Variants in SLC2A14 observed in about 807,000 individuals in gnomAD.
The protein encoded by SLC2A14 is solute carrier family 2 member 14.
SLC2A14 carries 13 observed loss-of-function variants against 43.0 expected under a neutral mutation model. That is an observed-to-expected ratio of 0.30 (90% CI 0.20 to 0.48). The LOEUF (loss-of-function observed/expected upper bound fraction) is 0.48, where lower values mean the gene tolerates loss of function less well. SLC2A14 is among the 20% of genes least tolerant of loss of function. The pLI is 0.99. For synonymous variants in SLC2A14, 190 were observed against 233.8 expected, an observed-to-expected ratio of 0.81 and a Z score of 1.71; for missense variants, 428 against 620.4, an observed-to-expected ratio of 0.69 and a Z score of 3.29.
chr12:7,869,199 T>C (rs1445009812), intron 2 of SLC2A14, among the ~76,000 whole-genome samples: 2 of 151,406 alleles, frequency 1.3e-5, no homozygotes, highest in Non-Finnish European at 2.9e-5. Context: ...AAGTGTCACA[T>C]TAAAATGTTC....
intron 5 of SLC2A14, among the ~76,000 whole-genome samples, chr12:7,829,169 G>A (rs1295320401): frequency 1.3e-5 from 2 of 151,576 alleles, no homozygotes; most frequent in African/African-American, 4.9e-5. Context: ...CCGAGATCGC[G>A]CCACTGCCCT....
At chr12:7,830,946 A>G (rs1460793655) in intron 4 of SLC2A14, among the ~76,000 whole-genome samples, 1 of 152,014 alleles carries the variant, frequency 6.6e-6, no homozygotes, top group Non-Finnish European at 1.5e-5. Flanking sequence ...CAATATGGTG[A>G]AACCCCATCT....
chr12:7,818,065 T>C (rs1210590347), intron 9 of SLC2A14, 31 bp from the exon 10 acceptor site: 1 of 1,598,864 alleles, frequency 6.3e-7, no homozygotes, highest in Admixed American at 1.7e-5. Flanking sequence ...GAAGATTAAA[T>C]TTAAAGACAG....
At chr12:7,875,473 A>C (rs996728046), upstream of SLC2A14, among the ~76,000 whole-genome samples, 1 of 150,904 alleles carries the variant, frequency 6.6e-6, no homozygotes, top group African/African-American at 2.4e-5. Flanking sequence ...GCACCACTGC[A>C]CTCCAGCCTG....
At chr12:7,841,379 G>C (rs1865932854) in intron 2 of SLC2A14, among the ~76,000 whole-genome samples, 1 of 152,048 alleles carries the variant, frequency 6.6e-6, no homozygotes, top group Admixed American at 6.5e-5. Flanking sequence ...TCCTGCCTCA[G>C]CCTCCCAAGC....
In SLC2A14 at chr12:7,826,817, T is replaced by TTTTC. The variant is rs200427727; in HGVS notation, c.864+674_864+677dup. On this transcript the variant is annotated intron_variant, in intron 7 of 10. Coordinates refer to ENST00000431042, the MANE Select transcript of SLC2A14 (RefSeq NM_001286234.2). ...CCAGTGTACTTCCAGGCTCGCTCTT[T>TTTTC]TTTCTTTCTTTCTTTCTTTCCTTCC... is the stretch of plus-strand genomic sequence containing the variant. 1.2e-3 allele frequency among the ~76,000 whole-genome samples: 156 copies of TTTTC among 127,806 alleles called. 2 individuals carry two copies. The highest frequency in any genetic ancestry group is 1.8e-3 in the South Asian group (6 of 3,344). The allele number at this position is 127,806 out of a possible 152,430, so 83.8% of individuals were successfully genotyped here. A position where few individuals can be genotyped will look rare whatever the true frequency, so the allele number is the denominator to read the frequency against.
intron 2 of SLC2A14, among the ~76,000 whole-genome samples, chr12:7,837,611 T>C (rs1321163251): frequency 1.0e-5 from 1 of 96,112 alleles, no homozygotes; most frequent in African/African-American, 4.0e-5. Flanking sequence ...GCACTCCAAC[T>C]TGGGCAACAA....
At chr12:7,865,513 G>A (rs1272036065) in intron 2 of SLC2A14, among the ~76,000 whole-genome samples, 1 of 151,822 alleles carries the variant, frequency 6.6e-6, no homozygotes, top group East Asian at 1.9e-4. Flanking sequence ...CTCCAGCCTG[G>A]GCGGCAGAGT....
In SLC2A14 at chr12:7,828,717, C is replaced by T. The variant is rs1235564152; in HGVS notation, c.663G>A (p.Glu221=). ...RFLLINRKKE[E]NATRILQRLW... ...AAAGATACTCACTCCGCGTAGCATT[C>T]TCCTCTTTTTTTCTGTTAATGAGCA... Residue 221 remains glutamate, a synonymous_variant, in exon 6 of 11, where the codon GAG becomes GAA. Coordinates refer to ENST00000431042, the MANE Select transcript of SLC2A14 (RefSeq NM_001286234.2). 8 of 1,614,086 alleles carry T rather than the reference C, an allele frequency of 5.0e-6. No individual in the cohort carries two copies. Among genetic ancestry groups the T allele is most frequent in the Non-Finnish European group, 6.8e-6 (8 of 1,179,980 alleles).
intron 1 of SLC2A14, chr12:7,872,329 G>T (rs1020483178): frequency 6.6e-6 from 1 of 151,958 alleles, no homozygotes; most frequent in African/African-American, 2.4e-5. Context: ...AGTTCCCTCC[G>T]CCTGGATCAT....
chr12:7,835,627 GA>G (rs1327982231), intron 2 of SLC2A14, among the ~76,000 whole-genome samples: 1 of 152,144 alleles, frequency 6.6e-6, no homozygotes, highest in Non-Finnish European at 1.5e-5. Flanking sequence ...TTGCTAGTAT[GA>G]TAACCAGGTG....
chr12:7,815,542 A>C (rs1288165287), intron 10 of SLC2A14, among the ~76,000 whole-genome samples: 1 of 152,126 alleles, frequency 6.6e-6, no homozygotes, highest in East Asian at 1.9e-4. Flanking sequence ...TCATAGCGTC[A>C]GTAATTACAG....
chr12:7,864,256 T>G (rs1944784442), intron 2 of SLC2A14, among the ~76,000 whole-genome samples: 1 of 152,160 alleles, frequency 6.6e-6, no homozygotes, highest in Admixed American at 6.5e-5. Context: ...TGGGGCCTTT[T>G]GCAGAGCAAA....
chr12:7,864,808 G>C (rs1203302249), intron 2 of SLC2A14, among the ~76,000 whole-genome samples: 3 of 152,094 alleles, frequency 2.0e-5, no homozygotes, highest in African/African-American at 7.2e-5. Flanking sequence ...GCCGACCCAG[G>C]CTCTAATCAG....
At chr12:7,817,004 G>A (rs1296909776) in intron 10 of SLC2A14, among the ~76,000 whole-genome samples, 2 of 152,030 alleles carry the variant, frequency 1.3e-5, no homozygotes, top group Non-Finnish European at 2.9e-5. Context: ...CACTGCTCCC[G>A]GGTGCAATTT....
At chr12:7,828,578 A>T in intron 6 of SLC2A14, 126 bp downstream of exon 6, 1 of 1,056,868 alleles carries the variant, frequency 9.5e-7, no homozygotes, top group Non-Finnish European at 1.4e-6. Context: ...TAGAGTAATC[A>T]GAACCATCTT....
At chr12:7,815,496 T>G (rs1435703455) in intron 10 of SLC2A14, among the ~76,000 whole-genome samples, 2 of 152,232 alleles carry the variant, frequency 1.3e-5, no homozygotes, top group East Asian at 1.9e-4. Context: ...TATGTATTGT[T>G]GAAAATCTGG....
chr12:7,825,431 G>C (rs1194981374), intron 7 of SLC2A14, among the ~76,000 whole-genome samples: 1 of 138,762 alleles, frequency 7.2e-6, no homozygotes, highest in Admixed American at 7.9e-5. Flanking sequence ...CTGCACTCTA[G>C]CCTGGGCGAC....
At chr12:7,830,167 T>G (rs1298263399) in intron 4 of SLC2A14, among the ~76,000 whole-genome samples, 161 bp from the exon 5 acceptor site, 2 of 151,818 alleles carry the variant, frequency 1.3e-5, no homozygotes, top group Non-Finnish European at 2.9e-5. Flanking sequence ...CTTTTTTTTT[T>G]TTTGAGACAG....
Sources: allele counts gnomAD v4.1 joint callset (sites outside exome capture counted in the v4.1 genomes callset), GRCh38; gene constraint gnomAD v4.1.1; transcripts MANE v1.5; gene names NCBI Gene and HGNC (gene_info 2026-07-23, HGNC 2026-07-21).